RRM2: variants seen among roughly 807,000 people sequenced by gnomAD.
RRM2 encodes ribonucleotide reductase regulatory subunit M2.
In RRM2, 6 loss-of-function variants were observed where a neutral mutation model predicts 45.9. The observed-to-expected ratio is 0.13, with a 90% CI of 0.07 to 0.26. The LOEUF (loss-of-function observed/expected upper bound fraction) is 0.26. Ranked by LOEUF, RRM2 falls within the 10% of genes least tolerant of loss-of-function variation. RRM2 has a pLI of 1.00. For synonymous variants in RRM2, 177 were observed against 173.0 expected (o/e 1.02, Z -0.18); for missense variants, 343 against 489.5 (o/e 0.70, Z 2.82).
rs372813947 is a variant in RRM2 at position 10,205,493 on chromosome 2, G to T, written n.483-4818G>T. Among the ~76,000 whole-genome samples the T allele has an allele frequency of 2.6e-5, 4 of 152,134 alleles. No homozygotes were observed. Among genetic ancestry groups the T allele is most frequent in the South Asian group, 4.1e-4 (2 of 4,824 alleles). ...CTGCTGCTCGTGGACACTCGGAGGTGGGGGAAGGCTCTGTTCTTTTACTTT... is the reference window on the plus strand; with the variant it reads ...CTGCTGCTCGTGGACACTCGGAGGTTGGGGAAGGCTCTGTTCTTTTACTTT... On this transcript the variant is annotated intron_variant and non_coding_transcript_variant, in intron 3 of 3. Transcript: ENST00000381786. This position sits in a 1 kb window ranked among gnomAD's most constrained non-coding sequence, Gnocchi z 4.8.
chr2:10,151,053 G>A (rs1663302564), intron 3 of RRM2, among the ~76,000 whole-genome samples: 1 of 152,166 alleles, frequency 6.6e-6, no homozygotes, highest in South Asian at 2.1e-4. Flanking sequence ...GACCTCAGGT[G>A]ATCCACCCGC....
intron 1 of RRM2, chr2:10,141,731 G>C (rs1454072898): frequency 1.0e-5 from 14 of 1,399,592 alleles, no homozygotes; most frequent in Admixed American, 8.8e-5. Flanking sequence ...TGAGGGTGGG[G>C]TACTGTTCCA....
At chr2:10,173,990 C>T (rs1019431827) in intron 3 of RRM2, among the ~76,000 whole-genome samples, 1 of 152,182 alleles carries the variant, frequency 6.6e-6, no homozygotes, top group Non-Finnish European at 1.5e-5. Flanking sequence ...GTGTCCCCTG[C>T]AATTCACATG....
chr2:10,159,913 G>T (rs1663520469), intron 3 of RRM2, among the ~76,000 whole-genome samples: 1 of 152,166 alleles, frequency 6.6e-6, no homozygotes, highest in Admixed American at 6.5e-5. Context: ...AAGCGCCCAG[G>T]AGGCCCGGCT....
In RRM2 at chr2:10,189,981, G is replaced by A. The variant is rs539489280; in HGVS notation, n.483-20330G>A. Among the ~76,000 whole-genome samples the A allele has an allele frequency of 5.3e-5, 8 of 152,276 alleles. No homozygotes were observed. The South Asian group carries it at 8.3e-4, about 16-fold the overall frequency. On this transcript the variant is annotated intron_variant and non_coding_transcript_variant, in intron 3 of 3. Coordinates refer to the RRM2 transcript ENST00000381786. ...GATGGTGGTAGTGATGGTGATGATG[G>A]TGGTGATGGTACTGATGATGGTGGA...
At chr2:10,198,370 C>T (rs528545560) in intron 3 of RRM2, among the ~76,000 whole-genome samples, 2 of 152,128 alleles carry the variant, frequency 1.3e-5, no homozygotes, top group South Asian at 4.1e-4. Context: ...GCTGGGAGAC[C>T]CTGCTGCCAA....
chr2:10,128,660 C>G (rs536175549), intron 7 of RRM2, among the ~76,000 whole-genome samples, 188 bp from the exon 8 acceptor site: 1 of 152,306 alleles, frequency 6.6e-6, no homozygotes, highest in South Asian at 2.1e-4. Context: ...TGGGACTGAG[C>G]TTGCCTTGGT....
At chr2:10,186,294 C>T (rs1329643595) in intron 3 of RRM2, among the ~76,000 whole-genome samples, 5 of 151,224 alleles carry the variant, frequency 3.3e-5, no homozygotes, top group Non-Finnish European at 5.9e-5. Context: ...ATTACAGGCG[C>T]GCACCGCCAT....
At chr2:10,194,597 G>A (rs562509161) in intron 3 of RRM2, among the ~76,000 whole-genome samples, 2 of 152,238 alleles carry the variant, frequency 1.3e-5, no homozygotes, top group African/African-American at 4.8e-5. Flanking sequence ...CCCAACCACC[G>A]GTGGGCCCCG....
intron 3 of RRM2, among the ~76,000 whole-genome samples, chr2:10,208,956 C>A (rs1035123): frequency 2.0e-5 from 3 of 152,030 alleles, no homozygotes; most frequent in Admixed American, 2.0e-4. Flanking sequence ...GTGCTGGATC[C>A]TGCCTGTTCA....
At chr2:10,126,438 G>A (rs1459637637) in intron 5 of RRM2, 1 of 160,452 alleles carries the variant, frequency 6.2e-6, no homozygotes, top group Admixed American at 6.2e-5. Flanking sequence ...TGATATAGGT[G>A]TGGCAACTGA....
chr2:10,194,182 C>T (rs1401762005), intron 3 of RRM2, among the ~76,000 whole-genome samples: 4 of 152,192 alleles, frequency 2.6e-5, no homozygotes, highest in African/African-American at 4.8e-5. Context: ...GGAAAAGCTT[C>T]GAAGAGGAAG....
chr2:10,161,837 C>T (rs375814210), intron 3 of RRM2, among the ~76,000 whole-genome samples: 1 of 152,216 alleles, frequency 6.6e-6, no homozygotes, highest in South Asian at 2.1e-4. Flanking sequence ...TCCCTAACGT[C>T]ACACAGCTAA....
chr2:10,125,893 G>A lies in RRM2; in HGVS notation c.570-982G>A, dbSNP rs370799457. On this transcript the variant is annotated intron_variant, in intron 5 of 9. Transcript: ENST00000304567. The stretch of plus-strand genomic sequence containing the variant: ...AAAAGAAGGCAAAGATTAGGGGTAC[G>A]ATCGGGGGCAAATGCCCAGAAGGGG... 1.0e-3 allele frequency among the ~76,000 whole-genome samples: 156 copies of A among 152,220 alleles called. 1 individual carries two copies. Among genetic ancestry groups the A allele is most frequent in the African/African-American group, 3.3e-3 (138 of 41,524 alleles).
At chr2:10,165,731 C>T (rs1047664891) in intron 3 of RRM2, among the ~76,000 whole-genome samples, 1 of 152,224 alleles carries the variant, frequency 6.6e-6, no homozygotes, top group Admixed American at 6.5e-5. Flanking sequence ...AGATCAGAGA[C>T]TGGTTCACCC....
intron 3 of RRM2, among the ~76,000 whole-genome samples, chr2:10,151,798 T>C (rs982445935): frequency 6.6e-6 from 1 of 152,210 alleles, no homozygotes; most frequent in Non-Finnish European, 1.5e-5. Flanking sequence ...ATTTTAGCCC[T>C]CCGAGTGGGT....
chr2:10,165,275 A>G (rs1663654458), intron 3 of RRM2, among the ~76,000 whole-genome samples: 1 of 152,214 alleles, frequency 6.6e-6, no homozygotes, highest in South Asian at 2.1e-4. Flanking sequence ...TCATCGGAAC[A>G]CTTGCAGGGC....
intron 3 of RRM2, among the ~76,000 whole-genome samples, chr2:10,161,026 TAC>T (rs1663545650): frequency 6.6e-6 from 1 of 152,220 alleles, no homozygotes; most frequent in South Asian, 2.1e-4. Context: ...TGGTCTGAGC[TAC>T]ACAGCACTGA....
Position 10,185,899 on chromosome 2 carries a change from G to A in RRM2, n.483-24412G>A, listed in dbSNP as rs1352186882. Among the ~76,000 whole-genome samples, 5 of 152,140 alleles carry A rather than the reference G, an allele frequency of 3.3e-5. No individual in the cohort carries two copies. The highest frequency in any genetic ancestry group is 2.4e-5 in the African/African-American group (1 of 41,420). Reference sequence around the variant, plus strand: ...CTGACCCTCCTTTCTGTCCTTCCTCGTGCCGAGGTTCTCTCTCCTTGACTG... The same window carrying A: ...CTGACCCTCCTTTCTGTCCTTCCTCATGCCGAGGTTCTCTCTCCTTGACTG... On this transcript the variant is annotated intron_variant and non_coding_transcript_variant, in intron 3 of 3. Transcript: ENST00000381786. This position sits in a 1 kb window ranked among gnomAD's most constrained non-coding sequence, Gnocchi z 4.3.
Sources: gnomAD v4.1 joint callset for allele counts (sites outside exome capture counted in the v4.1 genomes callset) on GRCh38, gnomAD v4.1.1 for gene constraint, Gnocchi (gnomAD v3.1) non-coding constraint, MANE v1.5 for transcripts, NCBI Gene and HGNC (gene_info 2026-07-23, HGNC 2026-07-21) for gene names.